LYPD6B: variants seen among roughly 807,000 people sequenced by gnomAD.
The protein encoded by LYPD6B is ly6/PLAUR domain-containing protein 6B.
A neutral mutation model predicts 22.8 loss-of-function variants in LYPD6B; 17 were observed. The observed-to-expected ratio is 0.75, with a 90% CI of 0.51 to 1.12. The LOEUF (loss-of-function observed/expected upper bound fraction) is 1.12. Among genes scored for constraint, LYPD6B ranks in the 50% most tolerant of loss-of-function variants. The pLI, the probability that LYPD6B is intolerant of heterozygous loss-of-function variation, is 0.00. For missense variants in LYPD6B, 221 were observed against 258.3 expected, an observed-to-expected ratio of 0.86 and a Z score of 0.99; for synonymous variants, 106 against 91.6, an observed-to-expected ratio of 1.16 and a Z score of -0.90.
At chr2:149,083,798 C>T (rs546870187) in intron 1 of LYPD6B, among the ~76,000 whole-genome samples, 28 of 152,142 alleles carry the variant, frequency 1.8e-4, no homozygotes, top group African/African-American at 5.8e-4. Context: ...CACTTTAGGC[C>T]GGGTGCAGTG....
intron 1 of LYPD6B, among the ~76,000 whole-genome samples, chr2:149,051,858 G>A (rs1449346343): frequency 6.6e-6 from 1 of 151,998 alleles, no homozygotes; most frequent in East Asian, 1.9e-4. Context: ...TAGAGACAGG[G>A]TTTCACCATG....
chr2:149,208,373 A>G lies in LYPD6B; in HGVS notation c.289A>G (p.Asn97Asp), dbSNP rs1394550045. 6.2e-7 allele frequency: 1 copy of G among 1,613,804 alleles called. No individual in the cohort carries two copies. The highest frequency in any genetic ancestry group is 1.1e-5 in the South Asian group (1 of 91,054). Residue 97 changes from asparagine to aspartate, a missense_variant, in exon 5 of 7, where the codon AAC (asparagine) becomes GAC (aspartate). Asn to Asp is a conservative substitution (Grantham distance 23). Transcript: ENST00000409642. ...FTCENAGDNY[N>D]CNRWAEDKWC... ...TTGTGAAAACGCAGGGGATAATTAT[A>G]ACTGCAATCGATGGGCAGAAGACAA...
chr2:149,109,274 G>A (rs150107641), intron 1 of LYPD6B, among the ~76,000 whole-genome samples: 291 of 152,124 alleles, frequency 1.9e-3, no homozygotes, highest in African/African-American at 6.8e-3. Context: ...TTTCACTTAG[G>A]TTTTTGAAAT....
intron 2 of LYPD6B, among the ~76,000 whole-genome samples, chr2:149,159,589 CGTGTGTGTGTGTGTGTGTGT>C (rs60129822): frequency 2.1e-5 from 3 of 145,798 alleles, no homozygotes; most frequent in African/African-American, 5.1e-5. Flanking sequence ...CATATGTGTG[CGTGTGTGTGTGTGTGTGTGT>C]GTGTGTGTGT....
chr2:149,048,605 G>A (rs1478490503), intron 1 of LYPD6B, among the ~76,000 whole-genome samples: 2 of 152,174 alleles, frequency 1.3e-5, no homozygotes, highest in Admixed American at 6.5e-5. Context: ...TCCTGCAAGT[G>A]CCTCTCTAGA....
intron 3 of LYPD6B, among the ~76,000 whole-genome samples, chr2:149,189,344 A>ATATATATATAAT (rs1553500268): frequency 4.7e-5 from 4 of 85,006 alleles, no homozygotes; most frequent in Non-Finnish European, 1.1e-4. Flanking sequence ...GTCCAAAATT[A>ATATATATATAAT]TATATATATA....
intron 1 of LYPD6B, among the ~76,000 whole-genome samples, chr2:149,103,278 G>C (rs975603665): frequency 2.6e-5 from 4 of 152,126 alleles, no homozygotes; most frequent in African/African-American, 9.7e-5. Context: ...AAGAAGAAAA[G>C]TGTCCTCTGA....
intron 1 of LYPD6B, among the ~76,000 whole-genome samples, chr2:149,082,667 G>A (rs958529696): frequency 6.6e-6 from 1 of 152,106 alleles, no homozygotes; most frequent in Non-Finnish European, 1.5e-5. Context: ...CATGAATTAC[G>A]GTAAATGTGA....
intron 1 of LYPD6B, among the ~76,000 whole-genome samples, chr2:149,064,149 C>T (rs961007959): frequency 6.6e-5 from 10 of 152,156 alleles, no homozygotes; most frequent in Admixed American, 2.0e-4. Context: ...CAGACTTTGA[C>T]ACTAACTAGT....
chr2:149,103,161 T>C (rs116523780), intron 1 of LYPD6B, among the ~76,000 whole-genome samples: 2,113 of 152,258 alleles, frequency 0.014, 49 homozygotes, highest in African/African-American at 0.048. Flanking sequence ...TTTTCAGTCC[T>C]CTTTAGATGA....
chr2:149,086,989 T>C (rs1360391312), intron 1 of LYPD6B, among the ~76,000 whole-genome samples: 3 of 148,404 alleles, frequency 2.0e-5, no homozygotes, highest in Non-Finnish European at 4.5e-5. Context: ...CTATCTCCTC[T>C]TAATGAAGTA....
chr2:149,204,159 C>G (rs185176913), intron 3 of LYPD6B, among the ~76,000 whole-genome samples: 2 of 152,218 alleles, frequency 1.3e-5, no homozygotes, highest in Non-Finnish European at 2.9e-5. Context: ...CTTTCTGAAC[C>G]CACATTTGAC....
rs1251431656 is a variant in LYPD6B, at chr2:149,212,969, GT to G, written c.329-17del. 2.5e-6 allele frequency: 4 copies of G among 1,607,052 alleles called. No individual in the cohort carries two copies. In the Admixed American group the frequency reaches 5.1e-5, roughly 20 times the overall value. ...TGAAATTACCTTGTTTCTTGGTTTT[GT>G]TTTTTGTTTCCTCTTGCCTAGATAC... On this transcript the variant is annotated intron_variant, in intron 5 of 6. Coordinates refer to ENST00000409642, the MANE Select transcript of LYPD6B (RefSeq NM_177964.5).
intron 1 of LYPD6B, among the ~76,000 whole-genome samples, chr2:149,112,540 T>C (rs1188476995): frequency 1.3e-5 from 2 of 152,112 alleles, no homozygotes; most frequent in East Asian, 3.9e-4. Context: ...AATCTGGAAG[T>C]ACTTGGGACT....
intron 1 of LYPD6B, among the ~76,000 whole-genome samples, chr2:149,104,154 G>GTTATCCAT (rs1686353786): frequency 6.6e-6 from 1 of 152,116 alleles, no homozygotes; most frequent in African/African-American, 2.4e-5. Context: ...CCATTTGCCT[G>GTTATCCAT]TTGATGGACA....
chr2:149,187,923 G>A (rs1249626956), intron 3 of LYPD6B, among the ~76,000 whole-genome samples: 1 of 152,184 alleles, frequency 6.6e-6, no homozygotes, highest in East Asian at 1.9e-4. Context: ...TTTAGGTAAG[G>A]AAAATGTAAG....
chr2:149,051,320 A>G (rs1016329440), intron 1 of LYPD6B, among the ~76,000 whole-genome samples: 5 of 151,698 alleles, frequency 3.3e-5, no homozygotes, highest in African/African-American at 1.2e-4. Flanking sequence ...ACCTGCCACC[A>G]CGCCCGGCTA....
At position 149,214,544 on chromosome 2, in the gene LYPD6B, A is replaced by G. The variant is rs1293305618; in HGVS notation, c.460-2A>G. On this transcript the variant is annotated splice_acceptor_variant, in intron 6 of 6. Coordinates refer to ENST00000409642, the MANE Select transcript of LYPD6B (RefSeq NM_177964.5). LOFTEE classifies it high-confidence loss of function. ...CATTTCCTCTCTCCTTTTTTGTAAC[A>G]GGAGTGTAGGTCTTGCTGTGAAGGA... The G allele has an allele frequency of 6.2e-7, 1 of 1,612,398 alleles. No individual in the cohort carries two copies. Among genetic ancestry groups the G allele is most frequent in the South Asian group, 1.1e-5 (1 of 90,922 alleles).
chr2:149,205,548 C>T (rs1378826686), intron 4 of LYPD6B, 144 bp downstream of exon 4: 4 of 906,590 alleles, frequency 4.4e-6, no homozygotes, highest in Non-Finnish European at 6.7e-6. Context: ...TCCATTACTT[C>T]TATGGGTAAG....
Sources: allele counts gnomAD v4.1 joint callset (sites outside exome capture counted in the v4.1 genomes callset), GRCh38; gene constraint gnomAD v4.1.1; transcripts MANE v1.5; gene names NCBI Gene and HGNC (gene_info 2026-07-23, HGNC 2026-07-21).